The following HES7 variants were observed in gnomAD, a reference collection of about 807,000 sequenced individuals.
HES7 encodes the protein hes family bHLH transcription factor 7, also known as transcription factor HES-7.
Under a neutral mutation model 18.0 loss-of-function variants are expected in HES7, and 8 were observed. The ratio of observed to expected loss-of-function variants is 0.45; its 90% CI spans 0.26 to 0.80. The LOEUF (loss-of-function observed/expected upper bound fraction) is 0.80. Ranked by LOEUF, HES7 falls within the 30% of genes least tolerant of loss-of-function variation. HES7 has a pLI of 0.18. For synonymous variants in HES7, 170 were observed against 158.6 expected (o/e 1.07, Z -0.54); for missense variants, 356 against 340.9 (o/e 1.04, Z -0.35).
Position 8,120,914 on chromosome 17 carries a change from G to T in HES7, c.*657C>A, listed in dbSNP as rs565256703. On this transcript the variant is annotated 3_prime_UTR_variant, in exon 4 of 4. Coordinates refer to ENST00000541682, the MANE Select transcript of HES7 (RefSeq NM_001165967.2). ...TACCCGTAAGCTACAAGACGCCGCC[G>T]TTCGTCGGGTGGCTCTGTGGCGCAA... 6.6e-6 allele frequency: 1 copy of T among 152,658 alleles called. No homozygotes were observed. The highest frequency in any genetic ancestry group is 1.5e-5 in the Non-Finnish European group (1 of 68,066). 9.5% of individuals were successfully genotyped at this position (152,658 alleles called of 1,614,324 possible).
At chr17:8,125,071 A>G (rs1325925293), upstream of HES7, among the ~76,000 whole-genome samples, 1 of 152,058 alleles carries the variant, frequency 6.6e-6, no homozygotes, top group African/African-American at 2.4e-5. Context: ...GGGTACAAAA[A>G]AGGGATCAAC....
In HES7 at chr17:8,123,473, C is replaced by A; in HGVS notation, c.43-347G>T. 2.4e-6 allele frequency: 1 copy of A among 409,698 alleles called. No individual in the cohort carries two copies. The highest frequency in any genetic ancestry group is 4.5e-6 in the Non-Finnish European group (1 of 220,792). 25.4% of individuals were successfully genotyped at this position (409,698 alleles called of 1,614,324 possible). ...GGGACTCTCTGCGCGCACGCACGTGCGCCGCACGGTGCCGGGCTCAGACCT... is the reference window on the plus strand; with the variant it reads ...GGGACTCTCTGCGCGCACGCACGTGAGCCGCACGGTGCCGGGCTCAGACCT... On this transcript the variant is annotated intron_variant, in intron 1 of 3. Transcript: ENST00000541682. This position sits in a 1 kb window ranked among gnomAD's most constrained non-coding sequence, Gnocchi z 5.9.
upstream of HES7, among the ~76,000 whole-genome samples, chr17:8,124,656 G>T (rs1981527060): frequency 6.6e-6 from 1 of 152,146 alleles, no homozygotes. Flanking sequence ...ACATCTGCGC[G>T]CCCACTCTGC....
chr17:8,123,999 T>C lies in HES7; in HGVS notation c.42+44A>G, dbSNP rs551974812. ...CGACGGCGTCAGGGGCCCAGTCCCCTAGCCAAACCAGGGACCTCTGCTCCC... is the reference window on the plus strand; with the variant it reads ...CGACGGCGTCAGGGGCCCAGTCCCCCAGCCAAACCAGGGACCTCTGCTCCC... On this transcript the variant is annotated intron_variant, in intron 1 of 3. Transcript: ENST00000541682. The surrounding 1 kb of genome is among the most constrained non-coding windows in gnomAD (Gnocchi z 5.9). 47 of 1,610,936 alleles carry C rather than the reference T, an allele frequency of 2.9e-5. No individual in the cohort carries two copies. In the South Asian group the frequency reaches 5.1e-4, roughly 17 times the overall value.
At position 8,122,797 on chromosome 17, in the gene HES7, C is replaced by T. The variant is rs1299360958; in HGVS notation, c.138+234G>A. Among the ~76,000 whole-genome samples the T allele has an allele frequency of 6.6e-6, 1 of 152,118 alleles. No homozygotes were observed. Among genetic ancestry groups the T allele is most frequent in the Non-Finnish European group, 1.5e-5 (1 of 68,012 alleles). On this transcript the variant is annotated intron_variant, in intron 2 of 3. Coordinates refer to ENST00000541682, the MANE Select transcript of HES7 (RefSeq NM_001165967.2). The surrounding 1 kb of genome is among the most constrained non-coding windows in gnomAD (Gnocchi z 6.9). Reference sequence around the variant, plus strand: ...AGACCCAAAGGGTGAAACTGACCGACCCCGGGAGCGAAATTTACAGAACCA... The same window carrying T: ...AGACCCAAAGGGTGAAACTGACCGATCCCGGGAGCGAAATTTACAGAACCA...
Position 8,121,688 on chromosome 17 carries a change from A to G in HES7, c.576T>C (p.Ser192=). The G allele has an allele frequency of 1.5e-6, 2 of 1,327,544 alleles. No homozygotes were observed. Among genetic ancestry groups the G allele is most frequent in the East Asian group, 3.1e-5 (1 of 32,146 alleles). 82.2% of individuals were successfully genotyped at this position (1,327,544 alleles called of 1,614,324 possible). A position where few individuals can be genotyped will look rare whatever the true frequency, so the allele number is the denominator to read the frequency against. ...PSLCSPRAGD[S]GAPAPLTGLL... is the part of the protein sequence containing the mutation. ...GTCCGGTGAGGGGCGCCGGCGCGCC[A>G]GAATCCCCGGCGCGCGGGGAGCAGA... The change falls in exon 4 of 4, where the codon TCT becomes TCC. Residue 192 remains serine (S), a synonymous_variant. Coordinates refer to ENST00000541682, the MANE Select transcript of HES7 (RefSeq NM_001165967.2).
upstream of HES7, among the ~76,000 whole-genome samples, chr17:8,126,450 T>C (rs1981609881): frequency 6.6e-6 from 1 of 152,156 alleles, no homozygotes; most frequent in African/African-American, 2.4e-5. Context: ...TCTCCGAGTC[T>C]CTGTCGCCTC....
chr17:8,123,896 T>C lies in HES7; in HGVS notation c.42+147A>G. ...GTCCCCTTCTTCATATTTTGCAGCT[T>C]CCTCTCCAGCTTCTGGCTCCTGGAG... On this transcript the variant is annotated intron_variant, in intron 1 of 3. Coordinates refer to ENST00000541682, the MANE Select transcript of HES7 (RefSeq NM_001165967.2). This position sits in a 1 kb window ranked among gnomAD's most constrained non-coding sequence, Gnocchi z 5.9. 1.1e-6 allele frequency: 1 copy of C among 887,794 alleles called. No individual in the cohort carries two copies. 55.0% of individuals were successfully genotyped at this position (887,794 alleles called of 1,614,324 possible). A position where few individuals can be genotyped will look rare whatever the true frequency, so the allele number is the denominator to read the frequency against.
In HES7 at chr17:8,123,329, T is replaced by A. The variant is rs930931905; in HGVS notation, c.43-203A>T. 5.0e-6 allele frequency: 3 copies of A among 603,666 alleles called. No individual in the cohort carries two copies. Among genetic ancestry groups the A allele is most frequent in the Non-Finnish European group, 8.9e-6 (3 of 336,692 alleles). 37.4% of individuals were successfully genotyped at this position (603,666 alleles called of 1,614,324 possible). ...AGTTTCTGTAGCTCGCCTCCCCGGA[T>A]CTTCGCATTCTCCTCTCTCAGTCTC... On this transcript the variant is annotated intron_variant, in intron 1 of 3. Coordinates refer to ENST00000541682, the MANE Select transcript of HES7 (RefSeq NM_001165967.2). This position sits in a 1 kb window ranked among gnomAD's most constrained non-coding sequence, Gnocchi z 5.9.
Position 8,122,179 on chromosome 17 carries a change from G to T in HES7, c.227-142C>A. On this transcript the variant is annotated intron_variant, in intron 3 of 3. Coordinates refer to ENST00000541682, the MANE Select transcript of HES7 (RefSeq NM_001165967.2). The surrounding 1 kb of genome is among the most constrained non-coding windows in gnomAD (Gnocchi z 6.9). Reference sequence around the variant, plus strand: ...GGACGGAAAGAGGGAGAAAATGAGGGAGACACAGAGACAGACACGCGCGGG... The same window carrying T: ...GGACGGAAAGAGGGAGAAAATGAGGTAGACACAGAGACAGACACGCGCGGG... The T allele has an allele frequency of 1.1e-6, 1 of 931,210 alleles. No individual in the cohort carries two copies. The allele number at this position is 931,210 out of a possible 1,614,324, so 57.7% of individuals were successfully genotyped here. A position where few individuals can be genotyped will look rare whatever the true frequency, so the allele number is the denominator to read the frequency against.
At chr17:8,125,778 G>A (rs1280749956), upstream of HES7, among the ~76,000 whole-genome samples, 1 of 152,230 alleles carries the variant, frequency 6.6e-6, no homozygotes, top group Admixed American at 6.5e-5. Context: ...ATTCTCGCCT[G>A]CCACGCGGGA....
In HES7 at chr17:8,123,245, T is replaced by C. The variant is rs1383002291; in HGVS notation, c.43-119A>G. 2.0e-5 allele frequency: 15 copies of C among 766,580 alleles called. 1 individual carries two copies. The highest frequency in any genetic ancestry group is 2.2e-6 in the Non-Finnish European group (1 of 445,288). The allele number at this position is 766,580 out of a possible 1,614,324, so 47.5% of individuals were successfully genotyped here. On this transcript the variant is annotated intron_variant, in intron 1 of 3. Transcript: ENST00000541682. The surrounding 1 kb of genome is among the most constrained non-coding windows in gnomAD (Gnocchi z 5.9). ...TCCACCCCGGCCACAAGACCCCAGA[T>C]TGCCTAGGGCCGGCCCCATTCGATC...
Position 8,122,985 on chromosome 17 carries a change from G to T in HES7, c.138+46C>A. On this transcript the variant is annotated intron_variant, in intron 2 of 3. Coordinates refer to ENST00000541682, the MANE Select transcript of HES7 (RefSeq NM_001165967.2). This position sits in a 1 kb window ranked among gnomAD's most constrained non-coding sequence, Gnocchi z 6.9. Reference sequence around the variant, plus strand: ...CCACCCCAGTGGGAAGCCCTGGGACGCGGAAACGGGAAGCTTGGGGACCTA... The same window carrying T: ...CCACCCCAGTGGGAAGCCCTGGGACTCGGAAACGGGAAGCTTGGGGACCTA... 6.8e-7 allele frequency: 1 copy of T among 1,472,730 alleles called. No individual in the cohort carries two copies. 91.2% of individuals were successfully genotyped at this position (1,472,730 alleles called of 1,614,324 possible). A position where few individuals can be genotyped will look rare whatever the true frequency, so the allele number is the denominator to read the frequency against.
chr17:8,123,659 C>CT lies in HES7; in HGVS notation c.42+383dup, dbSNP rs1188413668. On this transcript the variant is annotated intron_variant, in intron 1 of 3. Transcript: ENST00000541682. This position sits in a 1 kb window ranked among gnomAD's most constrained non-coding sequence, Gnocchi z 5.9. Reference sequence around the variant, plus strand: ...CCCGGGACCTTCTGTACAAGACCGCCTTGGGCCAGCCCCGCCCGGCTCACA... The same window carrying CT: ...CCCGGGACCTTCTGTACAAGACCGCCTTTGGGCCAGCCCCGCCCGGCTCACA... 3.3e-5 allele frequency among the ~76,000 whole-genome samples: 5 copies of CT among 152,248 alleles called. No homozygotes were observed. Among genetic ancestry groups the CT allele is most frequent in the Non-Finnish European group, 7.3e-5 (5 of 68,030 alleles).
chr17:8,126,193 G>T (rs1981602955), upstream of HES7, among the ~76,000 whole-genome samples: 1 of 152,168 alleles, frequency 6.6e-6, no homozygotes, highest in Non-Finnish European at 1.5e-5. Context: ...TCTGAAGCAC[G>T]CTTTCTTTTC....
Position 8,122,323 on chromosome 17 carries a change from GC to G in HES7, c.226+19del. The G allele has an allele frequency of 6.5e-7, 1 of 1,543,348 alleles. No individual in the cohort carries two copies. Among genetic ancestry groups the G allele is most frequent in the South Asian group, 1.2e-5 (1 of 84,588 alleles). ...GGCGTCCCCCCTCCCTCCCTCCGCT[GC>G]CCCACCCCCGCGCTGTACCCGGGGG... On this transcript the variant is annotated intron_variant, in intron 3 of 3. Coordinates refer to ENST00000541682, the MANE Select transcript of HES7 (RefSeq NM_001165967.2). This position sits in a 1 kb window ranked among gnomAD's most constrained non-coding sequence, Gnocchi z 6.9.
In HES7 at chr17:8,123,209, A is replaced by G. The variant is rs1375050825; in HGVS notation, c.43-83T>C. ...CCCGGCGTCGGATCCCGCCGCTGGG[A>G]GAGCCCGGCTTCCACCCCGGCCACA... On this transcript the variant is annotated intron_variant, in intron 1 of 3. Transcript: ENST00000541682. The surrounding 1 kb of genome is among the most constrained non-coding windows in gnomAD (Gnocchi z 5.9). 2.3e-5 allele frequency: 26 copies of G among 1,121,742 alleles called. No individual in the cohort carries two copies. Among genetic ancestry groups the G allele is most frequent in the Non-Finnish European group, 3.4e-5 (26 of 764,420 alleles). The allele number at this position is 1,121,742 out of a possible 1,614,324, so 69.5% of individuals were successfully genotyped here.
chr17:8,122,093 G>T lies in HES7; in HGVS notation c.227-56C>A. On this transcript the variant is annotated intron_variant, in intron 3 of 3. Coordinates refer to ENST00000541682, the MANE Select transcript of HES7 (RefSeq NM_001165967.2). The surrounding 1 kb of genome is among the most constrained non-coding windows in gnomAD (Gnocchi z 6.9). ...AGGGCAGGGGCCCGGCAGGGGTGAG[G>T]GAAGGGGCGGGGCGCAGAGATACCA... The T allele has an allele frequency of 7.1e-7, 1 of 1,411,476 alleles. No individual in the cohort carries two copies. Among genetic ancestry groups the T allele is most frequent in the Non-Finnish European group, 9.3e-7 (1 of 1,071,564 alleles). 87.4% of individuals were successfully genotyped at this position (1,411,476 alleles called of 1,614,324 possible).
Position 8,121,866 on chromosome 17 carries a change from G to T in HES7, c.398C>A (p.Pro133His), listed in dbSNP as rs746521932. 1.9e-6 allele frequency: 3 copies of T among 1,572,484 alleles called. No homozygotes were observed. Among genetic ancestry groups the T allele is most frequent in the Non-Finnish European group, 2.6e-6 (3 of 1,169,610 alleles). ...TACCGGCTTGGGCCGGGGCGGTTTG[G>T]GGCGCAGATAGCCGTGCAGCGCGGA... ...LFSALHGYLR[P>H]KPPRPKPVDP... is the part of the protein sequence containing the mutation. The change falls in exon 4 of 4, where the codon CCC (proline) becomes CAC (histidine). Residue 133 changes from proline (P) to histidine (H), a missense_variant. Transcript: ENST00000541682.
Sources: gnomAD v4.1 joint callset for allele counts (sites outside exome capture counted in the v4.1 genomes callset) on GRCh38, gnomAD v4.1.1 for gene constraint, Gnocchi (gnomAD v3.1) non-coding constraint, MANE v1.5 for transcripts, NCBI Gene and HGNC (gene_info 2026-07-23, HGNC 2026-07-21) for gene names.